PHKB: variants seen among roughly 807,000 people sequenced by gnomAD.
The protein encoded by PHKB is phosphorylase b kinase regulatory subunit beta.
In PHKB, 122 loss-of-function variants were observed where a neutral mutation model predicts 152.1. The observed-to-expected ratio is 0.80, with a 90% confidence interval of 0.69 to 0.93. PHKB has a LOEUF of 0.93. Among genes scored for constraint, PHKB ranks in the 40% least tolerant of loss-of-function variants. PHKB has a pLI of 0.00. For synonymous variants in PHKB, 436 were observed against 464.9 expected (o/e 0.94, Z 0.80); for missense variants, 1,304 against 1,328.4 (o/e 0.98, Z 0.29).
intron 7 of PHKB, chr16:47,566,149 C>T (rs1020149061): frequency 2.5e-5 from 16 of 647,270 alleles, no homozygotes; most frequent in South Asian, 1.1e-4. Context: ...CGATCCCAGT[C>T]GCCGTATCAA....
rs769735460 is a variant in PHKB, at chr16:47,699,298, G to A, written c.3214G>A (p.Ala1072Thr). Residue 1072 changes from alanine to threonine, a missense_variant, in exon 31 of 31, where the codon GCG becomes ACG. Physicochemically the swap from Ala to Thr is moderately conservative, Grantham distance 58. Coordinates refer to ENST00000323584, the MANE Select transcript of PHKB (RefSeq NM_000293.3). Reference protein sequence around the residue: ...KRGTCSYLTKAVMNLLLEGEV... With the variant: ...KRGTCSYLTKTVMNLLLEGEV... ...AGGAACATGCAGCTATTTGACAAAG[G>A]CGGTGATGAATCTGCTGCTGGAAGG... The A allele has an allele frequency of 6.2e-6, 10 of 1,613,986 alleles. No homozygotes were observed. The highest frequency in any genetic ancestry group is 8.5e-6 in the Non-Finnish European group (10 of 1,179,976).
At chr16:47,564,269 T>C (rs1322813316) in intron 7 of PHKB, among the ~76,000 whole-genome samples, 2 of 152,108 alleles carry the variant, frequency 1.3e-5, no homozygotes, top group African/African-American at 4.8e-5. Flanking sequence ...TTCATAAATA[T>C]CGTACTAACT....
At chr16:47,669,002 A>G (rs1027100361) in intron 25 of PHKB, among the ~76,000 whole-genome samples, 1 of 152,094 alleles carries the variant, frequency 6.6e-6, no homozygotes, top group Non-Finnish European at 1.5e-5. Context: ...ACCTGCCCTT[A>G]TATTTTAGAC....
At chr16:47,685,469 A>G (rs1192409553) in intron 26 of PHKB, among the ~76,000 whole-genome samples, 1 of 152,178 alleles carries the variant, frequency 6.6e-6, no homozygotes, top group African/African-American at 2.4e-5. Flanking sequence ...TTATCAAATC[A>G]GATTTTATGG....
At chr16:47,656,064 T>C (rs1374025755) in intron 20 of PHKB, among the ~76,000 whole-genome samples, 1 of 152,114 alleles carries the variant, frequency 6.6e-6, no homozygotes, top group Admixed American at 6.5e-5. Context: ...TTGCCCAGGC[T>C]GGAGTGCAGT....
chr16:47,461,454 A>G (rs778271070), intron 1 of PHKB, 28 bp downstream of exon 1: 6 of 1,609,916 alleles, frequency 3.7e-6, no homozygotes, highest in Middle Eastern at 1.7e-4. Flanking sequence ...GCCGCCCCCC[A>G]CCCGAGTACC....
intron 7 of PHKB, among the ~76,000 whole-genome samples, chr16:47,560,884 G>A (rs1014879269): frequency 6.6e-6 from 1 of 152,056 alleles, no homozygotes; most frequent in African/African-American, 2.4e-5. Flanking sequence ...GATAGGGATG[G>A]AAAGATAGAA....
chr16:47,667,915 GC>G (rs1973567533), intron 25 of PHKB, among the ~76,000 whole-genome samples: 1 of 152,162 alleles, frequency 6.6e-6, no homozygotes, highest in South Asian at 2.1e-4. Context: ...CTAAGGTTGT[GC>G]CTGGACCATT....
At chr16:47,548,579 C>T (rs1185687940) in intron 7 of PHKB, among the ~76,000 whole-genome samples, 2 of 150,654 alleles carry the variant, frequency 1.3e-5, no homozygotes, top group East Asian at 1.9e-4. Context: ...TGCACTCCAG[C>T]CTGGGTGACA....
At chr16:47,624,456 G>T (rs996192981) in intron 14 of PHKB, among the ~76,000 whole-genome samples, 3 of 152,124 alleles carry the variant, frequency 2.0e-5, no homozygotes, top group African/African-American at 7.2e-5. Context: ...TTCTCAGAAG[G>T]GTTTATAAAA....
At chr16:47,557,090 C>A (rs980745826) in intron 7 of PHKB, among the ~76,000 whole-genome samples, 2 of 152,178 alleles carry the variant, frequency 1.3e-5, no homozygotes, top group African/African-American at 4.8e-5. Context: ...GTATCTACAA[C>A]TACTTGATCT....
At chr16:47,567,713 T>C (rs991993604) in intron 7 of PHKB, among the ~76,000 whole-genome samples, 4 of 152,218 alleles carry the variant, frequency 2.6e-5, no homozygotes, top group African/African-American at 7.2e-5. Flanking sequence ...GGTATATTTC[T>C]TCTATGCCTA....
At chr16:47,642,905 A>G (rs546595554) in intron 16 of PHKB, among the ~76,000 whole-genome samples, 12 of 152,296 alleles carry the variant, frequency 7.9e-5, no homozygotes, top group African/African-American at 2.9e-4. Context: ...GAGCGGAGGC[A>G]ACGTGGAGGG....
intron 13 of PHKB, chr16:47,597,962 T>C (rs1972152742): frequency 6.6e-6 from 1 of 152,022 alleles, no homozygotes; most frequent in South Asian, 2.1e-4. Context: ...TCTTCAACTG[T>C]ACAATGTATT....
chr16:47,630,042 G>A (rs1972796771), intron 14 of PHKB, among the ~76,000 whole-genome samples: 1 of 152,030 alleles, frequency 6.6e-6, no homozygotes, highest in African/African-American at 2.4e-5. Context: ...GGGGAGGAGG[G>A]GGGGATGGCA....
chr16:47,525,989 G>A (rs998233803), intron 6 of PHKB, among the ~76,000 whole-genome samples: 23 of 152,110 alleles, frequency 1.5e-4, no homozygotes, highest in Non-Finnish European at 3.4e-4. Context: ...GCTGGCCCTG[G>A]GGCAGTTAGG....
intron 1 of PHKB, among the ~76,000 whole-genome samples, chr16:47,471,481 C>T (rs1247520677): frequency 2.6e-5 from 4 of 152,182 alleles, no homozygotes; most frequent in African/African-American, 4.8e-5. Flanking sequence ...GGAGCAACCT[C>T]ATGGCCGAAG....
At chr16:47,484,741 G>T (rs1567274747) in intron 1 of PHKB, among the ~76,000 whole-genome samples, 1 of 152,190 alleles carries the variant, frequency 6.6e-6, no homozygotes, top group African/African-American at 2.4e-5. Flanking sequence ...CAGTCTCACA[G>T]CTTTGTCAGG....
Position 47,699,784 on chromosome 16 carries a change from A to C in PHKB, c.*418A>C, listed in dbSNP as rs1974216948. On this transcript the variant is annotated 3_prime_UTR_variant, in exon 31 of 31. Coordinates refer to ENST00000323584, the MANE Select transcript of PHKB (RefSeq NM_000293.3). Reference sequence around the variant, plus strand: ...TCAAAAGATACTGAAAGAATGGTGAACTTCTCTTAGTGGTATTGTCATGCT... The same window carrying C: ...TCAAAAGATACTGAAAGAATGGTGACCTTCTCTTAGTGGTATTGTCATGCT... 4.0e-6 allele frequency: 1 copy of C among 249,270 alleles called. No homozygotes were observed. 15.4% of individuals were successfully genotyped at this position (249,270 alleles called of 1,614,324 possible).
Sources: allele counts gnomAD v4.1 joint callset (sites outside exome capture counted in the v4.1 genomes callset), GRCh38; gene constraint gnomAD v4.1.1; transcripts MANE v1.5; gene names NCBI Gene and HGNC (gene_info 2026-07-23, HGNC 2026-07-21).